PHTF2: variants seen among roughly 807,000 people sequenced by gnomAD.
PHTF2 encodes putative homeodomain transcription factor 2.
A neutral mutation model predicts 101.2 loss-of-function variants in PHTF2; 60 were observed. The ratio of observed to expected loss-of-function variants is 0.59; its 90% CI spans 0.48 to 0.73. The LOEUF is 0.73. PHTF2 is among the 30% of genes least tolerant of loss of function. PHTF2 has a pLI of 0.00. For synonymous variants in PHTF2, 311 were observed against 307.3 expected, an observed-to-expected ratio of 1.01 and a Z score of -0.13; for missense variants, 747 against 908.7, an observed-to-expected ratio of 0.82 and a Z score of 2.29.
At chr7:77,937,879 CT>C in intron 13 of PHTF2, 41 bp downstream of exon 12, 1 of 1,092,376 alleles carries the variant, frequency 9.2e-7, no homozygotes, top group Non-Finnish European at 1.3e-6. Flanking sequence ...AAGGGTAAGA[CT>C]TAGTAATTAT....
chr7:77,874,649 G>A (rs1157780415), intron 3 of PHTF2, among the ~76,000 whole-genome samples: 1 of 152,158 alleles, frequency 6.6e-6, no homozygotes, highest in Non-Finnish European at 1.5e-5. Context: ...ATTAGATTGT[G>A]CCCACCCAAA....
chr7:77,885,982 T>A lies in PHTF2; in HGVS notation c.148-7626T>A, dbSNP rs1396560002. Among the ~76,000 whole-genome samples, 5 of 152,212 alleles carry A rather than the reference T, an allele frequency of 3.3e-5. 1 individual carries two copies. Among genetic ancestry groups the A allele is most frequent in the African/African-American group, 4.8e-5 (2 of 41,450 alleles). On this transcript the variant is annotated intron_variant, in intron 3 of 19. Coordinates refer to ENST00000416283, the Ensembl canonical transcript of PHTF2. ...ACATGGTGGTAGGAAAAATTAGGGC[T>A]TTGACATACAGTATTATGATGTATC...
At chr7:77,938,990 G>C (rs1805402990) in intron 13 of PHTF2, among the ~76,000 whole-genome samples, 1 of 151,980 alleles carries the variant, frequency 6.6e-6, no homozygotes, top group Non-Finnish European at 1.5e-5. Context: ...CAGTTGACGG[G>C]GAAGTCTCTG....
intron 5 of PHTF2, among the ~76,000 whole-genome samples, chr7:77,895,665 A>G (rs2150808347): frequency 6.6e-6 from 1 of 152,238 alleles, no homozygotes; most frequent in South Asian, 2.1e-4. Context: ...TTACTACATT[A>G]CTTATGTAAC....
At chr7:77,874,407 A>G (rs747398689) in intron 3 of PHTF2, among the ~76,000 whole-genome samples, 10 of 152,180 alleles carry the variant, frequency 6.6e-5, no homozygotes, top group Non-Finnish European at 1.3e-4. Flanking sequence ...AACTATATAT[A>G]TAAAGGAGAG....
In PHTF2 at chr7:77,823,049, C is replaced by T. The variant is rs568860700; in HGVS notation, c.-35-17172C>T. Among the ~76,000 whole-genome samples, 6 of 151,152 alleles carry T rather than the reference C, an allele frequency of 4.0e-5. No homozygotes were observed. In the South Asian group the frequency reaches 1.3e-3, roughly 32 times the overall value. On this transcript the variant is annotated intron_variant, in intron 1 of 19. Coordinates refer to ENST00000416283, the Ensembl canonical transcript of PHTF2. ...CCTCCCGAGTAGCTGGGACTACAGGCGCCCGCTACCACGCCCGGCTAATTT... is the reference window on the plus strand; with the variant it reads ...CCTCCCGAGTAGCTGGGACTACAGGTGCCCGCTACCACGCCCGGCTAATTT...
intron 2 of PHTF2, among the ~76,000 whole-genome samples, chr7:77,849,560 A>G (rs1437151260): frequency 6.6e-6 from 1 of 152,162 alleles, no homozygotes; most frequent in Non-Finnish European, 1.5e-5. Context: ...GGTTCCAAAT[A>G]AATTAAATTC....
intron 1 of PHTF2, among the ~76,000 whole-genome samples, chr7:77,816,475 T>C (rs1450058732): frequency 6.6e-6 from 1 of 152,224 alleles, no homozygotes; most frequent in East Asian, 1.9e-4. Context: ...AAAAAACTAC[T>C]TTTATTAATT....
chr7:77,830,380 C>A (rs191243928), intron 1 of PHTF2, among the ~76,000 whole-genome samples: 16 of 152,282 alleles, frequency 1.1e-4, no homozygotes, highest in African/African-American at 3.6e-4. Flanking sequence ...AGTTGGTCTG[C>A]GGCCTGGTAG....
chr7:77,930,300 A>G (rs895882858), intron 12 of PHTF2, among the ~76,000 whole-genome samples: 2 of 152,184 alleles, frequency 1.3e-5, no homozygotes, highest in Non-Finnish European at 2.9e-5. Flanking sequence ...TGAGGAGGGT[A>G]CTATATTGGA....
chr7:77,886,793 C>T (rs1384118954), intron 3 of PHTF2, among the ~76,000 whole-genome samples: 2 of 152,074 alleles, frequency 1.3e-5, no homozygotes, highest in African/African-American at 4.8e-5. Flanking sequence ...CCCGTAATCC[C>T]AGCACTTTGG....
At chr7:77,812,746 C>A in intron 1 of PHTF2, among the ~76,000 whole-genome samples, 1 of 152,174 alleles carries the variant, frequency 6.6e-6, no homozygotes, top group East Asian at 1.9e-4. Flanking sequence ...CACGCCACCA[C>A]GCCCAGCTGA....
intron 1 of PHTF2, among the ~76,000 whole-genome samples, chr7:77,836,119 C>CAAAAAAAAAA (rs1210225270): frequency 1.6e-5 from 1 of 64,482 alleles, no homozygotes; most frequent in African/African-American, 5.5e-5. Context: ...AACTCCATCT[C>CAAAAAAAAAA]AAAAAAAAAA....
Position 77,920,048 on chromosome 7 carries a change from C to A in PHTF2, c.777-231C>A, listed in dbSNP as rs540470651. ...TTTTTTGATAAGTTAGGGCATGTCT[C>A]CTAGAATTGTTATCTGTAAGACCTC... On this transcript the variant is annotated intron_variant, in intron 9 of 19. Coordinates refer to ENST00000416283, the Ensembl canonical transcript of PHTF2. Among the ~76,000 whole-genome samples, 15 of 152,186 alleles carry A rather than the reference C, an allele frequency of 9.9e-5. No individual in the cohort carries two copies. In the South Asian group the frequency reaches 2.9e-3, roughly 30 times the overall value.
chr7:77,889,299 A>G (rs935625026), intron 3 of PHTF2, among the ~76,000 whole-genome samples: 1 of 152,080 alleles, frequency 6.6e-6, no homozygotes, highest in African/African-American at 2.4e-5. Context: ...GAATCCCTTC[A>G]CTCTCACTTC....
intron 3 of PHTF2, among the ~76,000 whole-genome samples, chr7:77,865,248 CAG>C (rs1403829445): frequency 6.6e-6 from 1 of 150,798 alleles, no homozygotes; most frequent in African/African-American, 2.4e-5. Context: ...TTTTTTTAGA[CAG>C]AGTCTCGCTC....
intron 11 of PHTF2, among the ~76,000 whole-genome samples, chr7:77,926,622 T>A (rs1804024668): frequency 2.0e-5 from 3 of 152,160 alleles, no homozygotes; most frequent in Admixed American, 2.0e-4. Flanking sequence ...CGTAGTATAT[T>A]TAGATTTACA....
At chr7:77,909,006 A>T in intron 8 of PHTF2, 48 bp downstream of exon 7, 1 of 1,327,512 alleles carries the variant, frequency 7.5e-7, no homozygotes, top group Non-Finnish European at 1.0e-6. Flanking sequence ...TGTAATTTGA[A>T]TCTACGATTG....
intron 2 of PHTF2, among the ~76,000 whole-genome samples, chr7:77,851,554 G>T (rs1489647151): frequency 1.3e-5 from 2 of 148,808 alleles, no homozygotes; most frequent in Admixed American, 1.3e-4. Context: ...TTATTTCATT[G>T]ATCTTTTGTA....
Sources: gnomAD v4.1 joint callset for allele counts (sites outside exome capture counted in the v4.1 genomes callset) on GRCh38, gnomAD v4.1.1 for gene constraint, MANE v1.5 for transcripts, NCBI Gene and HGNC (gene_info 2026-07-23, HGNC 2026-07-21) for gene names.